Variants in ATP8A2 observed in about 807,000 individuals in gnomAD.
ATP8A2 encodes phospholipid-transporting ATPase IB.
A neutral mutation model predicts 165.6 loss-of-function variants in ATP8A2; 100 were observed. That is an observed-to-expected ratio of 0.60 (90% CI 0.51 to 0.71). The LOEUF is 0.71. Among genes scored for constraint, ATP8A2 ranks in the 30% least tolerant of loss-of-function variants. The pLI is 0.00. For missense variants in ATP8A2, 1,227 were observed against 1,479.5 expected (o/e 0.83, Z 2.80); for synonymous variants, 543 against 548.8 (o/e 0.99, Z 0.15).
At position 25,960,591 on chromosome 13, in the gene ATP8A2, C is replaced by T. The variant is rs1441407794; in HGVS notation, c.3184-984C>T. ...GAGTCCCTTTCTCAGGTGGCCCACC[C>T]TTGTAGGCCAGCCTCCCAATTCCTA... On this transcript the variant is annotated intron_variant, in intron 33 of 36. Coordinates refer to ENST00000381655, the MANE Select transcript of ATP8A2 (RefSeq NM_016529.6). Among the ~76,000 whole-genome samples, 4 of 152,290 alleles carry T rather than the reference C, an allele frequency of 2.6e-5. No homozygotes were observed. The East Asian group carries it at 7.7e-4, about 30-fold the overall frequency.
intron 23 of ATP8A2, among the ~76,000 whole-genome samples, chr13:25,584,646 C>T (rs1032999881): frequency 6.6e-6 from 1 of 152,174 alleles, no homozygotes; most frequent in African/African-American, 2.4e-5. Context: ...GGGCTATACC[C>T]TACTTAATGA....
chr13:25,591,236 A>G (rs1324091882), intron 24 of ATP8A2: 1 of 456,304 alleles, frequency 2.2e-6, no homozygotes, highest in South Asian at 1.6e-5. Context: ...TGTAACCATC[A>G]CCACTATCCA....
rs1006254856 is a variant in ATP8A2 at position 25,734,747 on chromosome 13, T to C, written c.2385-34299T>C. ...CCCGGCCCCCAGATTCAAGCGATTC[T>C]CCTGCCTCAGCCTCCTAAGTAGCTG... On this transcript the variant is annotated intron_variant, in intron 25 of 36. Transcript: ENST00000381655. Among the ~76,000 whole-genome samples the C allele has an allele frequency of 5.9e-5, 9 of 152,182 alleles. 1 individual carries two copies. The highest frequency in any genetic ancestry group is 1.3e-4 in the Admixed American group (2 of 15,280).
intron 15 of ATP8A2, 55 bp from the exon 16 acceptor site, chr13:25,563,901 G>C: frequency 2.3e-6 from 3 of 1,306,376 alleles, no homozygotes; most frequent in Non-Finnish European, 2.2e-6. Context: ...CCAGGTTTGG[G>C]TTAGCTTAAC....
chr13:25,803,934 T>C (rs1021130507), intron 27 of ATP8A2, among the ~76,000 whole-genome samples: 12 of 152,314 alleles, frequency 7.9e-5, no homozygotes, highest in Admixed American at 5.2e-4. Context: ...GCTTAACTTA[T>C]TTTAAAGAGC....
intron 25 of ATP8A2, among the ~76,000 whole-genome samples, chr13:25,727,587 G>T (rs897397492): frequency 1.3e-5 from 2 of 152,160 alleles, no homozygotes; most frequent in African/African-American, 4.8e-5. Context: ...CCCAGAGGGA[G>T]TTTTTCAGAA....
chr13:25,495,290 T>C (rs1201914251), intron 2 of ATP8A2, among the ~76,000 whole-genome samples: 1 of 152,112 alleles, frequency 6.6e-6, no homozygotes, highest in Non-Finnish European at 1.5e-5. Flanking sequence ...GGGGTTTGAA[T>C]GAGTCCAAGA....
intron 1 of ATP8A2, among the ~76,000 whole-genome samples, chr13:25,430,866 G>A (rs1198484412): frequency 6.6e-6 from 1 of 152,102 alleles, no homozygotes; most frequent in Non-Finnish European, 1.5e-5. Flanking sequence ...CCAAAGTGCT[G>A]GGATTATAGG....
intron 35 of ATP8A2, among the ~76,000 whole-genome samples, chr13:26,007,841 C>G (rs1231553597): frequency 6.6e-6 from 1 of 152,078 alleles, no homozygotes; most frequent in African/African-American, 2.4e-5. Flanking sequence ...CAGCTTAGTC[C>G]CATGTGAGAT....
intron 33 of ATP8A2, among the ~76,000 whole-genome samples, chr13:25,957,044 G>T (rs888828927): frequency 6.6e-6 from 1 of 152,176 alleles, no homozygotes; most frequent in Admixed American, 6.5e-5. Context: ...TTAATAAATG[G>T]TGTTGGGAAA....
At chr13:25,891,618 C>G (rs901647686) in intron 33 of ATP8A2, among the ~76,000 whole-genome samples, 6 of 152,144 alleles carry the variant, frequency 3.9e-5, no homozygotes, top group African/African-American at 9.7e-5. Flanking sequence ...GCCACTGTGC[C>G]CGGCCAGATC....
intron 35 of ATP8A2, among the ~76,000 whole-genome samples, chr13:25,984,049 A>G (rs2139265431): frequency 6.6e-6 from 1 of 151,982 alleles, no homozygotes; most frequent in East Asian, 2.0e-4. Flanking sequence ...CCTAGGCAAC[A>G]TAACGAGACC....
chr13:25,696,375 T>C (rs1374422635), intron 24 of ATP8A2, among the ~76,000 whole-genome samples: 1 of 152,248 alleles, frequency 6.6e-6, no homozygotes, highest in Non-Finnish European at 1.5e-5. Flanking sequence ...TTTGACACTT[T>C]AAAGCTTGGG....
intron 24 of ATP8A2, among the ~76,000 whole-genome samples, chr13:25,628,517 A>G (rs9511839): frequency 0.53 from 80,078 of 152,032 alleles, 22,000 homozygotes; most frequent in Admixed American, 0.62. Flanking sequence ...ACTCAGGACA[A>G]CACTGCCTGT....
intron 25 of ATP8A2, among the ~76,000 whole-genome samples, chr13:25,709,451 G>T (rs2043116737): frequency 6.6e-6 from 1 of 152,108 alleles, no homozygotes; most frequent in Non-Finnish European, 1.5e-5. Flanking sequence ...CAATTATTTT[G>T]CCTCTTTACA....
At chr13:25,810,784 T>G (rs1950849805) in intron 27 of ATP8A2, among the ~76,000 whole-genome samples, 1 of 152,116 alleles carries the variant, frequency 6.6e-6, no homozygotes, top group Admixed American at 6.6e-5. Context: ...CAGAGGGAGC[T>G]GGATGTACAC....
chr13:25,504,913 T>A (rs1321321279), intron 2 of ATP8A2, among the ~76,000 whole-genome samples: 2 of 152,186 alleles, frequency 1.3e-5, no homozygotes, highest in African/African-American at 4.8e-5. Context: ...GTCAGTGGGC[T>A]TGAGGCCATC....
At chr13:25,495,984 T>G (rs924496850) in intron 2 of ATP8A2, among the ~76,000 whole-genome samples, 1 of 152,094 alleles carries the variant, frequency 6.6e-6, no homozygotes, top group Non-Finnish European at 1.5e-5. Flanking sequence ...CCACCAGAAC[T>G]CTCATCACCA....
chr13:25,522,647 T>C (rs1296240163), intron 2 of ATP8A2, among the ~76,000 whole-genome samples: 3 of 152,236 alleles, frequency 2.0e-5, no homozygotes, highest in Admixed American at 6.5e-5. Flanking sequence ...AATACTTTTT[T>C]CAGCATCTAC....
Sources: gnomAD v4.1 joint callset for allele counts (sites outside exome capture counted in the v4.1 genomes callset) on GRCh38, gnomAD v4.1.1 for gene constraint, MANE v1.5 for transcripts, NCBI Gene and HGNC (gene_info 2026-07-23, HGNC 2026-07-21) for gene names.